The following HIVEP3 variants were observed in gnomAD, a reference collection of about 807,000 sequenced individuals.
HIVEP3 encodes the protein transcription factor HIVEP3.
In HIVEP3, 49 loss-of-function variants were observed where a neutral mutation model predicts 152.8. The observed-to-expected ratio is 0.32, with a 90% confidence interval of 0.26 to 0.41. The LOEUF is 0.41. HIVEP3 is among the 10% of genes least tolerant of loss of function. HIVEP3 has a pLI of 1.00. For synonymous variants in HIVEP3, 1,269 were observed against 1,289.0 expected (o/e 0.98, Z 0.33); for missense variants, 2,790 against 3,103.3 (o/e 0.90, Z 2.40).
chr1:41,815,739 G>A (rs1178205609), intron 1 of HIVEP3, among the ~76,000 whole-genome samples: 8 of 146,088 alleles, frequency 5.5e-5, no homozygotes, highest in Non-Finnish European at 9.0e-5. Context: ...CGTAGGAATC[G>A]ATGCTTTTTT....
At chr1:41,785,311 A>T (rs753088507) in intron 1 of HIVEP3, among the ~76,000 whole-genome samples, 1 of 152,220 alleles carries the variant, frequency 6.6e-6, no homozygotes, top group Non-Finnish European at 1.5e-5. Flanking sequence ...AGTCCCAAGA[A>T]ATCCTAAAAC....
chr1:41,532,498 G>A (rs545853825), intron 5 of HIVEP3, among the ~76,000 whole-genome samples: 1 of 152,148 alleles, frequency 6.6e-6, no homozygotes, highest in Non-Finnish European at 1.5e-5. Flanking sequence ...GCCTTAAAGA[G>A]AAATATAAAG....
chr1:41,998,440 C>T (rs922542589), intron 1 of HIVEP3, among the ~76,000 whole-genome samples: 5 of 152,050 alleles, frequency 3.3e-5, no homozygotes, highest in African/African-American at 7.3e-5. Flanking sequence ...AAAATGATGT[C>T]ATGTCATGAT....
chr1:41,914,469 C>G, intron 1 of HIVEP3, among the ~76,000 whole-genome samples: 1 of 152,182 alleles, frequency 6.6e-6, no homozygotes, highest in Non-Finnish European at 1.5e-5. Flanking sequence ...TCTTCCATGA[C>G]TTTTAGTTAG....
At chr1:41,979,493 G>A (rs1305132064) in intron 1 of HIVEP3, among the ~76,000 whole-genome samples, 1 of 152,184 alleles carries the variant, frequency 6.6e-6, no homozygotes, top group African/African-American at 2.4e-5. Flanking sequence ...AGGCCAAAGT[G>A]CACACTTTTT....
intron 1 of HIVEP3, among the ~76,000 whole-genome samples, chr1:41,878,493 T>G (rs1644206493): frequency 6.6e-6 from 1 of 152,238 alleles, no homozygotes; most frequent in Non-Finnish European, 1.5e-5. Context: ...TGATATTTGG[T>G]CATTTTGTCT....
chr1:41,805,368 A>C (rs1650540991), intron 1 of HIVEP3, among the ~76,000 whole-genome samples: 1 of 152,202 alleles, frequency 6.6e-6, no homozygotes, highest in Admixed American at 6.5e-5. Flanking sequence ...AATCAACTAC[A>C]TGAAACAATT....
Position 41,964,166 on chromosome 1 carries a change from GAGA to G in HIVEP3, n.120-45645_120-45643del, listed in dbSNP as rs1161989522. Among the ~76,000 whole-genome samples the G allele has an allele frequency of 1.2e-4, 19 of 152,352 alleles. No homozygotes were observed. The South Asian group carries it at 3.7e-3, about 30-fold the overall frequency. On this transcript the variant is annotated intron_variant and non_coding_transcript_variant, in intron 1 of 3. Coordinates refer to the HIVEP3 transcript ENST00000489103. The stretch of plus-strand genomic sequence containing the variant: ...GCAGCTGCAGTCGGCAGCTCCCACT[GAGA>G]AGAACGAAAATGGCAAGTGAATCCT...
At chr1:41,636,788 G>A (rs756524748) in intron 2 of HIVEP3, among the ~76,000 whole-genome samples, 15 of 152,134 alleles carry the variant, frequency 9.9e-5, no homozygotes, top group Non-Finnish European at 1.9e-4. Context: ...GTGAAACCCC[G>A]TCTCTACTAA....
At chr1:41,823,167 G>A (rs1484245687) in intron 1 of HIVEP3, among the ~76,000 whole-genome samples, 1 of 152,228 alleles carries the variant, frequency 6.6e-6, no homozygotes, top group African/African-American at 2.4e-5. Context: ...CAGCAAGCCA[G>A]GAAGAGAGAC....
At chr1:41,549,252 T>G (rs1643871052) in intron 5 of HIVEP3, among the ~76,000 whole-genome samples, 1 of 152,220 alleles carries the variant, frequency 6.6e-6, no homozygotes, top group South Asian at 2.1e-4. Flanking sequence ...ATGTGCCACA[T>G]TTTCTTAATC....
At chr1:41,750,755 A>G (rs1480925119) in intron 1 of HIVEP3, among the ~76,000 whole-genome samples, 1 of 151,468 alleles carries the variant, frequency 6.6e-6, no homozygotes, top group Non-Finnish European at 1.5e-5. Context: ...CTGGAGTGCA[A>G]TGGTGCGATC....
intron 1 of HIVEP3, among the ~76,000 whole-genome samples, chr1:41,880,113 G>C (rs1644237785): frequency 6.6e-6 from 1 of 152,196 alleles, no homozygotes; most frequent in South Asian, 2.1e-4. Flanking sequence ...AAGCTGGAGT[G>C]TAGTGGCGTG....
At chr1:41,528,660 T>C (rs61720779) in intron 5 of HIVEP3, among the ~76,000 whole-genome samples, 20,523 of 41,960 alleles carry the variant, frequency 0.49, 4,661 homozygotes, top group Non-Finnish European at 0.52. Context: ...CACACCCCCA[T>C]CCTCACCTTC....
At chr1:41,529,894 C>T (rs1298420860) in intron 5 of HIVEP3, among the ~76,000 whole-genome samples, 2 of 140,928 alleles carry the variant, frequency 1.4e-5, no homozygotes, top group Non-Finnish European at 3.1e-5. Flanking sequence ...TGCATACTCC[C>T]ACAATCAAAC....
chr1:41,587,348 A>G (rs1553233060), intron 3 of HIVEP3, among the ~76,000 whole-genome samples: 1 of 152,224 alleles, frequency 6.6e-6, no homozygotes, highest in Non-Finnish European at 1.5e-5. Context: ...CTTGTACCAA[A>G]GCAGGCTGAG....
chr1:41,583,491 G>C lies in HIVEP3; in HGVS notation c.1307C>G (p.Ser436Cys), dbSNP rs1644452948. The C allele has an allele frequency of 1.9e-6, 3 of 1,613,958 alleles. No homozygotes were observed. The East Asian group carries it at 6.7e-5, about 36-fold the overall frequency. Residue 436 changes from serine to cysteine, a missense_variant, in exon 4 of 9, where the codon TCC (serine) becomes TGC (cysteine). Transcript: ENST00000372583. This position sits in a 1 kb window ranked among gnomAD's most constrained non-coding sequence, Gnocchi z 6.9. ...GQRTAMLTATSTQPLLPLSTE... is the reference protein window; with the variant it reads ...GQRTAMLTATCTQPLLPLSTE... ...GGACAGGGGCAGGAGGGGCTGGGTG[G>C]AGGTGGCTGTCAGCATGGCGGTCCG...
In HIVEP3 at chr1:41,510,527, G is replaced by A; in HGVS notation, c.7145C>T (p.Ser2382Phe). Reference protein sequence around the residue: ...LSGEPRTRQDSPKPSGSGEPR... With the variant: ...LSGEPRTRQDFPKPSGSGEPR... ...CTCCCCACTTCCTGAGGGCTTGGGG[G>A]AGTCCTGCCTGGTCCTGGGTTCCCC... The change falls in exon 9 of 9, where the codon TCC (serine) becomes TTC (phenylalanine). Residue 2382 changes from serine to phenylalanine, a missense_variant. Ser to Phe is a radical substitution (Grantham distance 155, BLOSUM62 -2). Coordinates refer to ENST00000372583, the MANE Select transcript of HIVEP3 (RefSeq NM_024503.5). The A allele has an allele frequency of 1.9e-6, 3 of 1,592,188 alleles. No homozygotes were observed. Among genetic ancestry groups the A allele is most frequent in the African/African-American group, 1.3e-5 (1 of 74,584 alleles).
Position 42,021,361 on chromosome 1 carries a change from T to C in HIVEP3, n.119+14446A>G, listed in dbSNP as rs1018207288. Among the ~76,000 whole-genome samples, 9 of 152,066 alleles carry C rather than the reference T, an allele frequency of 5.9e-5. 1 individual carries two copies. The highest frequency in any genetic ancestry group is 4.2e-4 in the South Asian group (2 of 4,818). On this transcript the variant is annotated intron_variant and non_coding_transcript_variant, in intron 1 of 3. Coordinates refer to the HIVEP3 transcript ENST00000489103. ...GCTGATGGCCTAAATGTGAGAGTTA[T>C]AGGAAAGAAAAGACTCAAGGGTAAC...
Sources: gnomAD v4.1 joint callset for allele counts (sites outside exome capture counted in the v4.1 genomes callset) on GRCh38, gnomAD v4.1.1 for gene constraint, Gnocchi (gnomAD v3.1) non-coding constraint, MANE v1.5 for transcripts, NCBI Gene and HGNC (gene_info 2026-07-23, HGNC 2026-07-21) for gene names.